The following PKIB variants were observed in gnomAD, a reference collection of about 807,000 sequenced individuals.
PKIB encodes cAMP-dependent protein kinase inhibitor beta, also known as PKI-beta.
A neutral mutation model predicts 4.5 loss-of-function variants in PKIB; 2 were observed. The observed-to-expected ratio is 0.44, with a 90% CI of 0.18 to 1.39. The LOEUF (loss-of-function observed/expected upper bound fraction) is 1.39. PKIB is among the 40% of genes most tolerant of loss of function. The pLI is 0.27. For missense variants in PKIB, 94 were observed against 92.6 expected (o/e 1.02, Z -0.06); for synonymous variants, 38 against 36.0 (o/e 1.06, Z -0.20).
chr6:122,645,971 C>CTT (rs34314243), intron 2 of PKIB, among the ~76,000 whole-genome samples: 2 of 148,258 alleles, frequency 1.3e-5, no homozygotes, highest in East Asian at 2.0e-4. Flanking sequence ...TCAGCCTTGC[C>CTT]TTTTTTTTTT....
At chr6:122,672,265 G>A (rs926795615) in intron 2 of PKIB, among the ~76,000 whole-genome samples, 2 of 152,156 alleles carry the variant, frequency 1.3e-5, no homozygotes, top group Non-Finnish European at 2.9e-5. Context: ...GAGGTACCCA[G>A]AGCAGTTCTG....
At chr6:122,602,163 A>G (rs1774389836) in intron 3 of PKIB, among the ~76,000 whole-genome samples, 1 of 152,194 alleles carries the variant, frequency 6.6e-6, no homozygotes, top group African/African-American at 2.4e-5. Flanking sequence ...TTATTCTCAG[A>G]CATTATTATC....
At chr6:122,693,210 T>C (rs1240063468) in intron 3 of PKIB, among the ~76,000 whole-genome samples, 2 of 152,214 alleles carry the variant, frequency 1.3e-5, no homozygotes, top group Admixed American at 6.5e-5. Flanking sequence ...CTTCAAGGTT[T>C]TCTGAAACTT....
chr6:122,722,975 C>T (rs749373817), intron 4 of PKIB, among the ~76,000 whole-genome samples: 3 of 152,152 alleles, frequency 2.0e-5, no homozygotes, highest in Non-Finnish European at 2.9e-5. Flanking sequence ...TCCTCTTGCA[C>T]GATCTCTTAG....
chr6:122,558,835 T>G, intron 2 of PKIB, among the ~76,000 whole-genome samples: 1 of 152,162 alleles, frequency 6.6e-6, no homozygotes, highest in Non-Finnish European at 1.5e-5. Flanking sequence ...TTGTGAGATT[T>G]TGGTGCACCC....
intron 2 of PKIB, among the ~76,000 whole-genome samples, chr6:122,544,503 G>A (rs1420521531): frequency 6.6e-6 from 1 of 151,928 alleles, no homozygotes; most frequent in African/African-American, 2.4e-5. Flanking sequence ...CCTCCCCCTT[G>A]CCTGCACATG....
chr6:122,632,449 G>A (rs966909059), intron 1 of PKIB, among the ~76,000 whole-genome samples: 4 of 152,146 alleles, frequency 2.6e-5, no homozygotes, highest in East Asian at 1.9e-4. Context: ...GTGAAAGGGC[G>A]TCTGGTTAAC....
intron 3 of PKIB, among the ~76,000 whole-genome samples, chr6:122,597,095 A>G (rs1774203124): frequency 1.3e-5 from 2 of 152,230 alleles, no homozygotes; most frequent in Non-Finnish European, 2.9e-5. Flanking sequence ...TGAGGTAGAA[A>G]GTCCCTGAAT....
At chr6:122,620,815 T>A (rs547357249) in intron 1 of PKIB, among the ~76,000 whole-genome samples, 2 of 152,318 alleles carry the variant, frequency 1.3e-5, no homozygotes, top group South Asian at 4.1e-4. Flanking sequence ...AATACCTTTT[T>A]TTGATTTTTG....
intron 3 of PKIB, chr6:122,586,199 A>C (rs528723497): frequency 2.6e-5 from 4 of 152,224 alleles, no homozygotes; most frequent in Non-Finnish European, 5.9e-5. Flanking sequence ...GTGTGGGTAG[A>C]CACTGTCTAA....
At chr6:122,615,470 T>G (rs1774941952) in intron 1 of PKIB, among the ~76,000 whole-genome samples, 1 of 152,160 alleles carries the variant, frequency 6.6e-6, no homozygotes, top group Non-Finnish European at 1.5e-5. Context: ...CCTCTCAGAT[T>G]CTTGGCTTGA....
At chr6:122,616,710 GT>G (rs66471415) in intron 1 of PKIB, among the ~76,000 whole-genome samples, 39 of 147,808 alleles carry the variant, frequency 2.6e-4, no homozygotes, top group East Asian at 5.9e-4. Context: ...AGGGTGAGTA[GT>G]TTTTTTTTTT....
intron 2 of PKIB, among the ~76,000 whole-genome samples, chr6:122,489,700 C>G (rs976958063): frequency 2.0e-5 from 3 of 152,212 alleles, no homozygotes; most frequent in Non-Finnish European, 4.4e-5. Flanking sequence ...AAAGCTTTCT[C>G]CTTTCCTGTT....
intron 3 of PKIB, among the ~76,000 whole-genome samples, chr6:122,595,687 G>A (rs923543338): frequency 6.6e-6 from 1 of 152,208 alleles, no homozygotes; most frequent in Non-Finnish European, 1.5e-5. Context: ...GGTCTCTGCT[G>A]CTGGCAATTG....
intron 4 of PKIB, among the ~76,000 whole-genome samples, chr6:122,723,153 G>A (rs1779808983): frequency 6.6e-6 from 1 of 152,060 alleles, no homozygotes; most frequent in Admixed American, 6.6e-5. Flanking sequence ...TTCAGTCTTT[G>A]GACATCATCT....
intron 1 of PKIB, among the ~76,000 whole-genome samples, chr6:122,610,825 G>GC (rs1774722026): frequency 6.6e-6 from 1 of 152,184 alleles, no homozygotes; most frequent in South Asian, 2.1e-4. Flanking sequence ...TGCCCACTCT[G>GC]CCCTGCAGGT....
chr6:122,639,949 A>T (rs1776062303), intron 2 of PKIB, among the ~76,000 whole-genome samples: 2 of 152,268 alleles, frequency 1.3e-5, no homozygotes, highest in South Asian at 4.2e-4. Context: ...TGAAGACAAT[A>T]CAATAAGGGA....
At chr6:122,656,755 A>G (rs1776791251) in intron 2 of PKIB, among the ~76,000 whole-genome samples, 1 of 152,202 alleles carries the variant, frequency 6.6e-6, no homozygotes, top group South Asian at 2.1e-4. Flanking sequence ...TCAAAGCAGA[A>G]CTGGCTTATG....
intron 1 of PKIB, among the ~76,000 whole-genome samples, chr6:122,626,210 AT>A (rs1017905528): frequency 3.7e-4 from 56 of 152,334 alleles, no homozygotes; most frequent in African/African-American, 1.3e-3. Context: ...AGTGGTTCAT[AT>A]TTTCACAACT....
Sources: gnomAD v4.1 joint callset for allele counts (sites outside exome capture counted in the v4.1 genomes callset) on GRCh38, gnomAD v4.1.1 for gene constraint, MANE v1.5 for transcripts, NCBI Gene and HGNC (gene_info 2026-07-23, HGNC 2026-07-21) for gene names.